Variants in NECTIN1 observed in about 807,000 individuals in gnomAD.
NECTIN1 encodes nectin cell adhesion molecule 1.
A neutral mutation model predicts 48.0 loss-of-function variants in NECTIN1; 23 were observed. That is an observed-to-expected ratio of 0.48 (90% confidence interval 0.34 to 0.68). The LOEUF is 0.68. Among genes scored for constraint, NECTIN1 ranks in the 30% least tolerant of loss-of-function variants. The pLI is 0.01. For synonymous variants in NECTIN1, 270 were observed against 288.9 expected, an observed-to-expected ratio of 0.93 and a Z score of 0.66; for missense variants, 591 against 709.9, an observed-to-expected ratio of 0.83 and a Z score of 1.90.
At chr11:119,676,378 AGGGCATACCAGT>A (rs1350163288) in intron 4 of NECTIN1, among the ~76,000 whole-genome samples, 1 of 152,232 alleles carries the variant, frequency 6.6e-6, no homozygotes, top group Admixed American at 6.5e-5. Context: ...GATCATAGGT[AGGGCATACCAGT>A]GCCCTCTGCT....
At chr11:119,711,376 T>G (rs1865643169) in intron 1 of NECTIN1, among the ~76,000 whole-genome samples, 1 of 143,368 alleles carries the variant, frequency 7.0e-6, no homozygotes, top group Non-Finnish European at 1.5e-5. Flanking sequence ...GGCAACAGAG[T>G]GAGACTCTGT....
In NECTIN1 at chr11:119,728,810, C is replaced by A; in HGVS notation, c.-257G>T. 5.2e-6 allele frequency: 2 copies of A among 383,026 alleles called. No homozygotes were observed. The highest frequency in any genetic ancestry group is 9.3e-6 in the Non-Finnish European group (2 of 215,990). The allele number at this position is 383,026 out of a possible 1,614,324, so 23.7% of individuals were successfully genotyped here. A position where few individuals can be genotyped will look rare whatever the true frequency, so the allele number is the denominator to read the frequency against. ...ACGAGTCATGCCCCTTCGCCTCCTCCGCTCTCCTCCCGGCGCCGGTCCCCG... is the reference window on the plus strand; with the variant it reads ...ACGAGTCATGCCCCTTCGCCTCCTCAGCTCTCCTCCCGGCGCCGGTCCCCG... On this transcript the variant is annotated 5_prime_UTR_variant, in exon 1 of 6. Transcript: ENST00000264025.
chr11:119,669,498 A>G (rs574353772), intron 5 of NECTIN1, among the ~76,000 whole-genome samples: 1 of 151,796 alleles, frequency 6.6e-6, no homozygotes, highest in East Asian at 1.9e-4. Context: ...CTCATCTTTC[A>G]TCTGGATTAT....
Position 119,677,921 on chromosome 11 carries a change from A to AG in NECTIN1, c.431-65_431-64insC, listed in dbSNP as rs1193428644. Reference sequence around the variant, plus strand: ...TGACTTGTCCAAGATGCACCGGCCAAAAGGGCGTGGCATCCGTCAGGCCTT... The same window carrying AG: ...TGACTTGTCCAAGATGCACCGGCCAAGAAGGGCGTGGCATCCGTCAGGCCTT... On this transcript the variant is annotated intron_variant, in intron 2 of 5. Transcript: ENST00000264025. This position sits in a 1 kb window ranked among gnomAD's most constrained non-coding sequence, Gnocchi z 5.4. 4 of 1,539,264 alleles carry AG rather than the reference A, an allele frequency of 2.6e-6. No homozygotes were observed. In the African/African-American group the frequency reaches 5.4e-5, roughly 21 times the overall value.
At chr11:119,691,027 C>T (rs1459674378) in intron 1 of NECTIN1, among the ~76,000 whole-genome samples, 4 of 34,108 alleles carry the variant, frequency 1.2e-4, no homozygotes, top group African/African-American at 4.1e-4. Flanking sequence ...CAAACTCATC[C>T]ACCCTTTCTC....
At position 119,716,669 on chromosome 11, in the gene NECTIN1, C is replaced by T. The variant is rs192454924; in HGVS notation, c.79+11806G>A. The stretch of plus-strand genomic sequence containing the variant: ...TGACCTTCGCCGGTTCTCTAACTGG[C>T]GGCTGGGGGGCAGTGTAGACCTTGC... On this transcript the variant is annotated intron_variant, in intron 1 of 5. Coordinates refer to ENST00000264025, the MANE Select transcript of NECTIN1 (RefSeq NM_002855.5). 5.0e-3 allele frequency among the ~76,000 whole-genome samples: 763 copies of T among 152,328 alleles called. 7 individuals carry two copies. The highest frequency in any genetic ancestry group is 0.017 in the African/African-American group (717 of 41,582).
intron 1 of NECTIN1, among the ~76,000 whole-genome samples, chr11:119,700,733 A>C (rs1849361635): frequency 6.6e-6 from 1 of 152,224 alleles, no homozygotes; most frequent in South Asian, 2.1e-4. Context: ...GTTGTATGCA[A>C]GGCGTGGCTC....
chr11:119,724,385 C>T (rs1287375302), intron 1 of NECTIN1, among the ~76,000 whole-genome samples: 2 of 152,260 alleles, frequency 1.3e-5, no homozygotes, highest in East Asian at 1.9e-4. Flanking sequence ...CCGGTGTGGT[C>T]AAGGTCTTCA....
intron 1 of NECTIN1, among the ~76,000 whole-genome samples, chr11:119,692,883 C>T (rs1014557860): frequency 6.6e-5 from 10 of 152,204 alleles, no homozygotes; most frequent in East Asian, 3.9e-4. Context: ...GGGAAAAGAG[C>T]GGCCAGCACC....
chr11:119,676,008 A>ATT (rs1320720426), intron 4 of NECTIN1, among the ~76,000 whole-genome samples: 10 of 116,240 alleles, frequency 8.6e-5, no homozygotes, highest in Non-Finnish European at 1.4e-4. Context: ...TCCGTCTCAA[A>ATT]GAAAAAAAAA....
At chr11:119,657,709 G>C (rs540104192), downstream of NECTIN1, among the ~76,000 whole-genome samples, 37 of 146,680 alleles carry the variant, frequency 2.5e-4, 1 homozygote, top group South Asian at 8.0e-3. Flanking sequence ...AGACTAGCCT[G>C]GGTAACATAG....
At chr11:119,692,963 G>C (rs923934725) in intron 1 of NECTIN1, among the ~76,000 whole-genome samples, 4 of 152,236 alleles carry the variant, frequency 2.6e-5, no homozygotes, top group African/African-American at 9.6e-5. Flanking sequence ...CGATGGGGCT[G>C]CTGGGAGTGC....
Position 119,669,741 on chromosome 11 carries a change from C to T in NECTIN1, c.1004-4444G>A, listed in dbSNP as rs186806165. 5.3e-3 allele frequency among the ~76,000 whole-genome samples: 811 copies of T among 152,244 alleles called. 10 individuals are homozygous for T. Among genetic ancestry groups the T allele is most frequent in the African/African-American group, 0.018 (757 of 41,520 alleles). Reference sequence around the variant, plus strand: ...TGCCCCACTCCTGGCACACACTGCACGGGCTGCCCTGCCCCCTGAAAGCCA... The same window carrying T: ...TGCCCCACTCCTGGCACACACTGCATGGGCTGCCCTGCCCCCTGAAAGCCA... On this transcript the variant is annotated intron_variant, in intron 5 of 5. Transcript: ENST00000264025.
Position 119,728,612 on chromosome 11 carries a change from AC to A in NECTIN1, c.-60del, listed in dbSNP as rs1865959752. On this transcript the variant is annotated 5_prime_UTR_variant, in exon 1 of 6. Transcript: ENST00000264025. ...GGGCAGCGCTCCTCGCGCAGCAGAA[AC>A]CAGCCCGGAAGATGAGGGAAGATCG... 3 of 981,388 alleles carry A rather than the reference AC, an allele frequency of 3.1e-6. No individual in the cohort carries two copies. The Admixed American group carries it at 8.8e-5, about 29-fold the overall frequency. The allele number at this position is 981,388 out of a possible 1,614,324, so 60.8% of individuals were successfully genotyped here.
chr11:119,647,138 T>G (rs867579560), intron 5 of NECTIN1, among the ~76,000 whole-genome samples: 1 of 143,698 alleles, frequency 7.0e-6, no homozygotes, highest in South Asian at 2.2e-4. Context: ...GGCCTCAAGA[T>G]GAGGGGCCAG....
chr11:119,654,602 C>T (rs377648420), intron 5 of NECTIN1, among the ~76,000 whole-genome samples: 2 of 150,682 alleles, frequency 1.3e-5, no homozygotes, highest in African/African-American at 4.9e-5. Flanking sequence ...GATGGAATCT[C>T]GCTCAGTCGC....
chr11:119,669,754 C>G (rs1298974456), intron 5 of NECTIN1, among the ~76,000 whole-genome samples: 1 of 152,088 alleles, frequency 6.6e-6, no homozygotes, highest in African/African-American at 2.4e-5. Flanking sequence ...GCTGCCCTGC[C>G]CCCTGAAAGC....
In NECTIN1 at chr11:119,661,628, G is replaced by A. The variant is rs1051329985; in HGVS notation, c.*3119C>T. On this transcript the variant is annotated 3_prime_UTR_variant, in exon 6 of 6. Transcript: ENST00000264025. ...ACAATTCCCAATTTCTCTGCTCTGA[G>A]GAAGGCAGAAAAGTTATTGCACCAG... The A allele has an allele frequency of 6.1e-6, 6 of 985,790 alleles. No homozygotes were observed. The African/African-American group carries it at 1.0e-4, about 17-fold the overall frequency. 61.1% of individuals were successfully genotyped at this position (985,790 alleles called of 1,614,324 possible). A position where few individuals can be genotyped will look rare whatever the true frequency, so the allele number is the denominator to read the frequency against.
chr11:119,639,103 C>T (rs1864282501), intron 6 of NECTIN1, among the ~76,000 whole-genome samples: 1 of 152,162 alleles, frequency 6.6e-6, no homozygotes, highest in South Asian at 2.1e-4. Context: ...CAGGGAGGAA[C>T]CAGCAGCAGC....
Sources: gnomAD v4.1 joint callset for allele counts (sites outside exome capture counted in the v4.1 genomes callset) on GRCh38, gnomAD v4.1.1 for gene constraint, Gnocchi (gnomAD v3.1) non-coding constraint, MANE v1.5 for transcripts, NCBI Gene and HGNC (gene_info 2026-07-23, HGNC 2026-07-21) for gene names.